PRKD1: variants seen among roughly 807,000 people sequenced by gnomAD.
The protein encoded by PRKD1 is serine/threonine-protein kinase D1.
PRKD1 carries 63 observed loss-of-function variants against 95.9 expected under a neutral mutation model. That is an observed-to-expected ratio of 0.66 (90% CI 0.54 to 0.81). The LOEUF is 0.81. Ranked by LOEUF, PRKD1 falls within the 30% of genes least tolerant of loss-of-function variation. The pLI is 0.00. For missense variants in PRKD1, 1,048 were observed against 1,165.3 expected (o/e 0.90, Z 1.47); for synonymous variants, 425 against 423.1 (o/e 1.00, Z -0.05).
intron 1 of PRKD1, among the ~76,000 whole-genome samples, chr14:29,856,821 C>G (rs1892524086): frequency 6.6e-6 from 1 of 152,184 alleles, no homozygotes; most frequent in South Asian, 2.1e-4. Flanking sequence ...AACTCCTGCT[C>G]CAAGTCTTTC....
intron 2 of PRKD1, among the ~76,000 whole-genome samples, chr14:29,703,916 T>C (rs1884958990): frequency 6.6e-6 from 1 of 152,194 alleles, no homozygotes; most frequent in African/African-American, 2.4e-5. Context: ...CATACAGAGT[T>C]GTTTGTATTC....
chr14:29,788,711 T>C (rs1456820449), intron 1 of PRKD1, among the ~76,000 whole-genome samples: 1 of 152,162 alleles, frequency 6.6e-6, no homozygotes, highest in Non-Finnish European at 1.5e-5. Context: ...CTCTGAACTA[T>C]ATTTTTATTC....
chr14:29,924,300 A>G (rs926564165), intron 1 of PRKD1, among the ~76,000 whole-genome samples: 1 of 152,174 alleles, frequency 6.6e-6, no homozygotes, highest in African/African-American at 2.4e-5. Flanking sequence ...TAAAATAAGT[A>G]TTTTTTGTTG....
chr14:29,841,037 C>T (rs886925828), intron 1 of PRKD1, among the ~76,000 whole-genome samples: 1 of 152,212 alleles, frequency 6.6e-6, no homozygotes, highest in Non-Finnish European at 1.5e-5. Flanking sequence ...GATTTGACTG[C>T]CCTGCTGGAT....
chr14:29,699,319 A>G (rs142339318), intron 2 of PRKD1, among the ~76,000 whole-genome samples: 147 of 152,306 alleles, frequency 9.7e-4, no homozygotes, highest in African/African-American at 3.4e-3. Flanking sequence ...CCTCATCAGT[A>G]CTGTATCCAA....
At chr14:29,904,373 C>T (rs1421588526) in intron 1 of PRKD1, among the ~76,000 whole-genome samples, 1 of 152,082 alleles carries the variant, frequency 6.6e-6, no homozygotes, top group Non-Finnish European at 1.5e-5. Flanking sequence ...ATTTAAAATC[C>T]CAACTCTGCC....
chr14:29,919,928 T>C (rs765769227), intron 1 of PRKD1, among the ~76,000 whole-genome samples: 13 of 150,198 alleles, frequency 8.7e-5, no homozygotes, highest in Non-Finnish European at 1.8e-4. Flanking sequence ...ACGGTGCCAC[T>C]GCACTCCAGC....
At chr14:29,614,904 G>A (rs571161824) in intron 13 of PRKD1, among the ~76,000 whole-genome samples, 489 of 133,352 alleles carry the variant, frequency 3.7e-3, no homozygotes, top group Non-Finnish European at 4.5e-3. Flanking sequence ...TAGAGACAGG[G>A]TTTCGCCATG....
chr14:29,609,481 C>T (rs962661640), intron 13 of PRKD1, among the ~76,000 whole-genome samples: 1 of 140,626 alleles, frequency 7.1e-6, no homozygotes, highest in Non-Finnish European at 1.5e-5. Context: ...CACTTGAGGA[C>T]TAATCTATTT....
At chr14:29,655,081 G>A (rs983670656) in intron 4 of PRKD1, among the ~76,000 whole-genome samples, 5 of 152,154 alleles carry the variant, frequency 3.3e-5, no homozygotes, top group African/African-American at 1.2e-4. Context: ...ATCTGTTCCC[G>A]ACTGCAATGT....
chr14:29,627,600 A>T (rs1426075797), intron 11 of PRKD1, among the ~76,000 whole-genome samples: 1 of 152,072 alleles, frequency 6.6e-6, no homozygotes, highest in Non-Finnish European at 1.5e-5. Flanking sequence ...ATTACATCCT[A>T]TCAGATTTTC....
At chr14:29,742,590 AC>A (rs1566574378) in intron 1 of PRKD1, among the ~76,000 whole-genome samples, 1 of 152,158 alleles carries the variant, frequency 6.6e-6, no homozygotes, top group Non-Finnish European at 1.5e-5. Context: ...GTTACACTTG[AC>A]CCCATGAAAG....
At chr14:29,676,125 T>A (rs995285472) in intron 2 of PRKD1, among the ~76,000 whole-genome samples, 4 of 150,628 alleles carry the variant, frequency 2.7e-5, no homozygotes, top group Non-Finnish European at 5.9e-5. Flanking sequence ...TAATAAAAAA[T>A]TTTTAAAAAA....
chr14:29,912,758 G>C (rs1164313841), intron 1 of PRKD1, among the ~76,000 whole-genome samples: 1 of 152,260 alleles, frequency 6.6e-6, no homozygotes, highest in South Asian at 2.1e-4. Context: ...CCAGTGAAAA[G>C]AACACAATAA....
intron 1 of PRKD1, among the ~76,000 whole-genome samples, chr14:29,826,826 T>C (rs8018096): frequency 0.033 from 708 of 21,156 alleles, 146 homozygotes; most frequent in African/African-American, 0.13. Context: ...CATATATATA[T>C]ATATATATAT....
At chr14:29,825,578 C>G (rs1489131235) in intron 1 of PRKD1, among the ~76,000 whole-genome samples, 1 of 151,968 alleles carries the variant, frequency 6.6e-6, no homozygotes, top group Non-Finnish European at 1.5e-5. Flanking sequence ...AGGTATGAAC[C>G]TAATCCACAA....
chr14:29,726,938 G>A (rs1004524924), intron 1 of PRKD1, among the ~76,000 whole-genome samples: 4 of 152,016 alleles, frequency 2.6e-5, no homozygotes, highest in Admixed American at 1.3e-4. Flanking sequence ...TGGGTCAAAT[G>A]GTATTTCTAG....
At chr14:29,780,595 G>T (rs1378513209) in intron 1 of PRKD1, among the ~76,000 whole-genome samples, 1 of 152,128 alleles carries the variant, frequency 6.6e-6, no homozygotes, top group Admixed American at 6.6e-5. Flanking sequence ...TCAGATACCA[G>T]CTCACACCAG....
At chr14:29,601,573 G>C (rs1388787455) in intron 13 of PRKD1, among the ~76,000 whole-genome samples, 1 of 152,160 alleles carries the variant, frequency 6.6e-6, no homozygotes, top group Non-Finnish European at 1.5e-5. Context: ...CTCCTGGTCA[G>C]AGCTGAAGCA....
Sources: gnomAD v4.1 joint callset for allele counts (sites outside exome capture counted in the v4.1 genomes callset) on GRCh38, gnomAD v4.1.1 for gene constraint, MANE v1.5 for transcripts, NCBI Gene and HGNC (gene_info 2026-07-23, HGNC 2026-07-21) for gene names.